Variants in GML observed in about 807,000 individuals in gnomAD.
GML encodes glycosyl-phosphatidylinositol-anchored molecule-like protein.
GML carries 5 observed loss-of-function variants against 8.2 expected under a neutral mutation model. The observed-to-expected ratio is 0.61, with a 90% confidence interval of 0.32 to 1.28. The LOEUF is 1.28. GML is among the 50% of genes most tolerant of loss of function. The probability of loss-of-function intolerance (pLI) is 0.06; values close to 1 mark genes in which losing one functional copy is unlikely to be tolerated. For synonymous variants in GML, 72 were observed against 69.0 expected (o/e 1.04, Z -0.22); for missense variants, 191 against 198.3 (o/e 0.96, Z 0.22).
chr8:142,846,789 C>T lies in GML; in HGVS notation c.*99C>T. 2 of 842,994 alleles carry T rather than the reference C, an allele frequency of 2.4e-6. No homozygotes were observed. Among genetic ancestry groups the T allele is most frequent in the East Asian group, 2.5e-5 (1 of 40,488 alleles). 52.2% of individuals were successfully genotyped at this position (842,994 alleles called of 1,614,324 possible). A position where few individuals can be genotyped will look rare whatever the true frequency, so the allele number is the denominator to read the frequency against. ...AAGCCAGAGACCCTTATCCACTGCT[C>T]CTCTAGGTGGCCCATTTATGGTTTG... On this transcript the variant is annotated 3_prime_UTR_variant, in exon 4 of 4. Coordinates refer to ENST00000220940, the MANE Select transcript of GML (RefSeq NM_002066.3).
chr8:142,846,169 T>C (rs1271787706), intron 3 of GML, among the ~76,000 whole-genome samples: 1 of 152,222 alleles, frequency 6.6e-6, no homozygotes, highest in African/African-American at 2.4e-5. Flanking sequence ...AGATGGCAGC[T>C]TAGATAGAAA....
At chr8:142,843,826 C>T (rs996313429) in intron 3 of GML, among the ~76,000 whole-genome samples, 3 of 152,166 alleles carry the variant, frequency 2.0e-5, no homozygotes, top group Non-Finnish European at 4.4e-5. Flanking sequence ...AGACTTAAAA[C>T]ACCATTAAAG....
chr8:142,840,971 G>T (rs776673223), intron 2 of GML, 147 bp from the exon 3 acceptor site: 12 of 616,350 alleles, frequency 1.9e-5, no homozygotes, highest in Non-Finnish European at 3.2e-5. Context: ...GACTCAGACT[G>T]CATAGAGAGC....
chr8:142,840,486 G>A lies in GML; in HGVS notation c.49G>A (p.Ala17Thr). The change falls in exon 2 of 4, where the codon GCC (alanine) becomes ACC (threonine). Residue 17 changes from alanine to threonine, a missense_variant. Physicochemically the swap from Ala to Thr is moderately conservative, Grantham distance 58. Transcript: ENST00000220940. ...AGCCATGGAGCTCCCATTGGTGGCA[G>A]CCAGTGCCACCATGCGCGCTCAGTG... is the stretch of plus-strand genomic sequence containing the variant. Reference protein sequence around the residue: ...LLAMELPLVAASATMRAQWTY... With the variant: ...LLAMELPLVATSATMRAQWTY... 6.2e-7 allele frequency: 1 copy of A among 1,610,946 alleles called. No homozygotes were observed. The highest frequency in any genetic ancestry group is 8.5e-7 in the Non-Finnish European group (1 of 1,177,044).
intron 2 of GML, among the ~76,000 whole-genome samples, 179 bp downstream of exon 2, chr8:142,840,689 G>T (rs1349414590): frequency 1.3e-5 from 2 of 152,180 alleles, no homozygotes; most frequent in East Asian, 1.9e-4. Context: ...CAAGGAGAGG[G>T]TTAGGATGAA....
chr8:142,839,562 C>T (rs1399232969), intron 1 of GML, among the ~76,000 whole-genome samples: 1 of 152,218 alleles, frequency 6.6e-6, no homozygotes, highest in Non-Finnish European at 1.5e-5. Context: ...AGTCAGCACG[C>T]ATCAGCAGCT....
intron 1 of GML, among the ~76,000 whole-genome samples, chr8:142,836,861 C>A (rs1441613298): frequency 6.6e-6 from 1 of 152,216 alleles, no homozygotes; most frequent in African/African-American, 2.4e-5. Flanking sequence ...CCTTCTCCTA[C>A]AGAGTGTGGC....
chr8:142,845,414 AT>A (rs1443926914), intron 3 of GML, among the ~76,000 whole-genome samples: 1 of 152,218 alleles, frequency 6.6e-6, no homozygotes, highest in Non-Finnish European at 1.5e-5. Flanking sequence ...GGTCAGGCAC[AT>A]TTCTGTAGAA....
chr8:142,841,628 T>C (rs552451432), intron 3 of GML, among the ~76,000 whole-genome samples: 1 of 152,256 alleles, frequency 6.6e-6, no homozygotes, highest in South Asian at 2.1e-4. Context: ...GGATGGGCCA[T>C]GGACTCCCCC....
intron 3 of GML, among the ~76,000 whole-genome samples, chr8:142,841,482 A>G (rs1427778156): frequency 2.0e-5 from 3 of 152,156 alleles, no homozygotes; most frequent in Non-Finnish European, 4.4e-5. Context: ...AGGGGGTAGG[A>G]GCATTGCTGG....
chr8:142,841,751 C>T (rs981999482), intron 3 of GML, among the ~76,000 whole-genome samples: 4 of 152,176 alleles, frequency 2.6e-5, no homozygotes, highest in Middle Eastern at 3.2e-3. Flanking sequence ...GCCCTCTCTC[C>T]CCAGGGCCCT....
rs563205220 is a variant in GML at position 142,845,386 on chromosome 8, A to G, written c.182-1009A>G. ...GGCTGTGGGCACTTGGTGACAATCCATTGAGTTGTGGACTTATGGTCAGGC... is the reference window on the plus strand; with the variant it reads ...GGCTGTGGGCACTTGGTGACAATCCGTTGAGTTGTGGACTTATGGTCAGGC... On this transcript the variant is annotated intron_variant, in intron 3 of 3. Transcript: ENST00000220940. Among the ~76,000 whole-genome samples the G allele has an allele frequency of 2.6e-5, 4 of 152,310 alleles. No homozygotes were observed. In the East Asian group the frequency reaches 5.8e-4, roughly 22 times the overall value.
chr8:142,840,355 C>T, intron 1 of GML, 61 bp from the exon 2 acceptor site: 1 of 1,043,606 alleles, frequency 9.6e-7, no homozygotes, highest in Non-Finnish European at 1.5e-6. Flanking sequence ...AGGCCAGGGG[C>T]ATAGAGCTGG....
chr8:142,845,005 T>C (rs146160886), intron 3 of GML, among the ~76,000 whole-genome samples: 286 of 152,348 alleles, frequency 1.9e-3, no homozygotes, highest in Middle Eastern at 6.8e-3. Context: ...CAGCACTATT[T>C]GGAGTAGACA....
intron 2 of GML, among the ~76,000 whole-genome samples, chr8:142,840,713 A>G (rs1816418636): frequency 6.6e-6 from 1 of 152,162 alleles, no homozygotes; most frequent in Non-Finnish European, 1.5e-5. Context: ...GCAGCTGACC[A>G]GGGACCAAGG....
intron 1 of GML, among the ~76,000 whole-genome samples, chr8:142,835,847 C>T (rs571349100): frequency 1.3e-5 from 2 of 152,326 alleles, no homozygotes; most frequent in Admixed American, 6.5e-5. Context: ...CCGACGCTGA[C>T]GTAACTGTTT....
intron 2 of GML, 63 bp from the exon 3 acceptor site, chr8:142,841,055 C>A (rs561460293): frequency 1.2e-6 from 1 of 829,274 alleles, no homozygotes; most frequent in Non-Finnish European, 2.1e-6. Flanking sequence ...GTGGAGTGAG[C>A]TGGTAATGGG....
chr8:142,844,910 G>A (rs879774656), intron 3 of GML, among the ~76,000 whole-genome samples: 2 of 152,168 alleles, frequency 1.3e-5, no homozygotes, highest in East Asian at 1.9e-4. Context: ...GAGACTCAGC[G>A]CTTCTACTCC....
chr8:142,835,318 GTC>G (rs1816322879), intron 1 of GML, among the ~76,000 whole-genome samples: 1 of 151,892 alleles, frequency 6.6e-6, no homozygotes, highest in African/African-American at 2.4e-5. Context: ...TCCCTCGAGA[GTC>G]TGGGGCTGGG....
Sources: allele counts gnomAD v4.1 joint callset (sites outside exome capture counted in the v4.1 genomes callset), GRCh38; gene constraint gnomAD v4.1.1; transcripts MANE v1.5; gene names NCBI Gene and HGNC (gene_info 2026-07-23, HGNC 2026-07-21).